Variants in ROR1 observed in about 807,000 individuals in gnomAD.
The protein encoded by ROR1 is inactive tyrosine-protein kinase transmembrane receptor ROR1.
Under a neutral mutation model 78.8 loss-of-function variants are expected in ROR1, and 19 were observed. The ratio of observed to expected loss-of-function variants is 0.24; its 90% CI spans 0.17 to 0.35. The LOEUF is 0.35. ROR1 is among the 10% of genes least tolerant of loss of function. ROR1 has a pLI of 1.00. For missense variants in ROR1, 917 were observed against 1,177.8 expected (o/e 0.78, Z 3.24); for synonymous variants, 386 against 433.6 (o/e 0.89, Z 1.36).
chr1:63,912,949 G>A (rs1257243520), intron 1 of ROR1, among the ~76,000 whole-genome samples: 2 of 152,100 alleles, frequency 1.3e-5, no homozygotes, highest in Admixed American at 6.6e-5. Context: ...CAAACTTGGC[G>A]GGGGTTGCTG....
chr1:63,935,067 C>A (rs1645783852), intron 1 of ROR1, among the ~76,000 whole-genome samples: 1 of 138,252 alleles, frequency 7.2e-6, no homozygotes, highest in Non-Finnish European at 1.5e-5. Flanking sequence ...TGATTGTAAA[C>A]CAAATGTTGA....
intron 1 of ROR1, among the ~76,000 whole-genome samples, chr1:63,928,832 C>A (rs1448699874): frequency 6.6e-6 from 1 of 151,938 alleles, no homozygotes; most frequent in Non-Finnish European, 1.5e-5. Context: ...TCAGTGAGTC[C>A]TTGGGATAAC....
At chr1:63,957,250 T>C (rs943479250) in intron 1 of ROR1, among the ~76,000 whole-genome samples, 2 of 152,222 alleles carry the variant, frequency 1.3e-5, no homozygotes, top group Non-Finnish European at 2.9e-5. Flanking sequence ...ACTGCCAGTG[T>C]TACTATGTCG....
intron 1 of ROR1, among the ~76,000 whole-genome samples, chr1:63,911,174 G>C (rs1390240341): frequency 6.6e-6 from 1 of 152,062 alleles, no homozygotes; most frequent in African/African-American, 2.4e-5. Context: ...ATAACCTCTG[G>C]AGTTAAACAT....
intron 4 of ROR1, among the ~76,000 whole-genome samples, chr1:64,083,737 G>A (rs563720403): frequency 6.6e-6 from 1 of 152,288 alleles, no homozygotes; most frequent in South Asian, 2.1e-4. Context: ...GAAGATGGCA[G>A]AAATGACAGA....
chr1:63,867,223 T>G (rs988575771), intron 1 of ROR1, among the ~76,000 whole-genome samples: 2 of 152,218 alleles, frequency 1.3e-5, no homozygotes, highest in African/African-American at 4.8e-5. Flanking sequence ...ACATAATTAA[T>G]ACTTTTAAAA....
intron 1 of ROR1, among the ~76,000 whole-genome samples, chr1:63,795,125 G>A (rs1278669431): frequency 1.3e-5 from 2 of 152,300 alleles, no homozygotes; most frequent in African/African-American, 4.8e-5. Flanking sequence ...GAAGGTTCTG[G>A]TGGGAGGGTT....
chr1:64,080,052 G>T (rs2100630149), intron 4 of ROR1, among the ~76,000 whole-genome samples: 1 of 152,280 alleles, frequency 6.6e-6, no homozygotes, highest in South Asian at 2.1e-4. Flanking sequence ...TAAAGGAGGA[G>T]CCTCTGTTCT....
intron 4 of ROR1, among the ~76,000 whole-genome samples, chr1:64,090,694 A>G (rs1265473309): frequency 1.1e-4 from 17 of 152,184 alleles, no homozygotes; most frequent in Non-Finnish European, 1.5e-5. Context: ...CCTGGTGATA[A>G]GCAAATGGCT....
intron 2 of ROR1, among the ~76,000 whole-genome samples, chr1:64,038,672 T>A (rs1276474351): frequency 1.3e-5 from 2 of 152,214 alleles, no homozygotes; most frequent in African/African-American, 4.8e-5. Flanking sequence ...TTTATCATGA[T>A]TATCTCTTTA....
Position 63,774,518 on chromosome 1 carries a change from G to A in ROR1, c.91+10G>A. ...GGGGCTGCTGCCCAAGGTAAGAGGCGCCCGCCGGCCCCCGCCCGCCCAGAC... is the reference window on the plus strand; with the variant it reads ...GGGGCTGCTGCCCAAGGTAAGAGGCACCCGCCGGCCCCCGCCCGCCCAGAC... On this transcript the variant is annotated intron_variant, in intron 1 of 8. Transcript: ENST00000371079. This position sits in a 1 kb window ranked among gnomAD's most constrained non-coding sequence, Gnocchi z 5.7. 1 of 1,110,070 alleles carries A rather than the reference G, an allele frequency of 9.0e-7. No individual in the cohort carries two copies. The highest frequency in any genetic ancestry group is 1.1e-6 in the Non-Finnish European group (1 of 912,496). 68.8% of individuals were successfully genotyped at this position (1,110,070 alleles called of 1,614,324 possible). A position where few individuals can be genotyped will look rare whatever the true frequency, so the allele number is the denominator to read the frequency against.
chr1:64,171,550 T>C (rs1245799347), intron 8 of ROR1, among the ~76,000 whole-genome samples: 3 of 152,330 alleles, frequency 2.0e-5, no homozygotes, highest in South Asian at 2.1e-4. Flanking sequence ...AGAATCAGCT[T>C]CAAAAGAATA....
chr1:64,174,302 A>G (rs1340310018), intron 8 of ROR1, among the ~76,000 whole-genome samples: 1 of 152,224 alleles, frequency 6.6e-6, no homozygotes, highest in Non-Finnish European at 1.5e-5. Flanking sequence ...GACCTATGCC[A>G]CAGGATCATG....
chr1:64,142,309 T>C lies in ROR1; in HGVS notation c.929-96T>C, dbSNP rs531410170. ...AGGGAAGCTGTGGCCACGAGGTTAA[T>C]TACCTGCCCTCCCCTCCAGAAACTG... On this transcript the variant is annotated intron_variant, in intron 6 of 8. Transcript: ENST00000371079. The C allele has an allele frequency of 2.0e-6, 3 of 1,528,590 alleles. No individual in the cohort carries two copies. The South Asian group carries it at 3.8e-5, about 19-fold the overall frequency. 94.7% of individuals were successfully genotyped at this position (1,528,590 alleles called of 1,614,324 possible). A position where few individuals can be genotyped will look rare whatever the true frequency, so the allele number is the denominator to read the frequency against.
chr1:64,162,642 A>G (rs751865628), intron 8 of ROR1, among the ~76,000 whole-genome samples: 4 of 152,194 alleles, frequency 2.6e-5, no homozygotes, highest in Non-Finnish European at 4.4e-5. Flanking sequence ...GACTGCATTC[A>G]AGTATAAGAC....
intron 4 of ROR1, among the ~76,000 whole-genome samples, chr1:64,127,522 G>GTC (rs1445255272): frequency 1.4e-5 from 2 of 147,436 alleles, no homozygotes; most frequent in Non-Finnish European, 1.5e-5. Context: ...CTCTCTCTCT[G>GTC]TCTCTCTCTC....
At chr1:64,112,997 A>C (rs764344912) in intron 4 of ROR1, among the ~76,000 whole-genome samples, 2 of 152,180 alleles carry the variant, frequency 1.3e-5, no homozygotes, top group Non-Finnish European at 2.9e-5. Flanking sequence ...TTGGTAATAG[A>C]TGAAAGAATG....
In ROR1 at chr1:63,844,772, C is replaced by A. The variant is rs1569807058; in HGVS notation, c.91+70264C>A. ...TTATCTCCTCAATGAAATAAAGCAG[C>A]CCCTTCTAGGCAATCCTAATTACTC... On this transcript the variant is annotated intron_variant, in intron 1 of 8. Transcript: ENST00000371079. Among the ~76,000 whole-genome samples the A allele has an allele frequency of 2.6e-5, 4 of 152,210 alleles. No homozygotes were observed. The South Asian group carries it at 8.3e-4, about 32-fold the overall frequency.
At chr1:64,001,049 A>G (rs914251661) in intron 1 of ROR1, among the ~76,000 whole-genome samples, 1 of 152,244 alleles carries the variant, frequency 6.6e-6, no homozygotes, top group Admixed American at 6.5e-5. Context: ...GCATGGGTTC[A>G]TGACAGCTTT....
Sources: allele counts gnomAD v4.1 joint callset (sites outside exome capture counted in the v4.1 genomes callset), GRCh38; gene constraint gnomAD v4.1.1; non-coding constraint Gnocchi (gnomAD v3.1); transcripts MANE v1.5; gene names NCBI Gene and HGNC (gene_info 2026-07-23, HGNC 2026-07-21).